The following FAR2 variants were observed in gnomAD, a reference collection of about 807,000 sequenced individuals.
FAR2 encodes fatty acyl-CoA reductase 2.
A neutral mutation model predicts 56.0 loss-of-function variants in FAR2; 19 were observed. The ratio of observed to expected loss-of-function variants is 0.34; its 90% CI spans 0.24 to 0.50. The LOEUF (loss-of-function observed/expected upper bound fraction) is 0.50, where lower values mean the gene tolerates loss of function less well. Ranked by LOEUF, FAR2 falls within the 20% of genes least tolerant of loss-of-function variation. FAR2 has a pLI of 0.98. For missense variants in FAR2, 508 were observed against 642.2 expected (o/e 0.79, Z 2.26); for synonymous variants, 219 against 218.8 (o/e 1.00, Z -0.01).
At chr12:29,273,695 G>T (rs1266485536) in intron 2 of FAR2, among the ~76,000 whole-genome samples, 1 of 152,228 alleles carries the variant, frequency 6.6e-6, no homozygotes, top group South Asian at 2.1e-4. Context: ...GCCCCCAGGA[G>T]TTCAGTAGGC....
intron 1 of FAR2, among the ~76,000 whole-genome samples, chr12:29,205,330 G>A (rs1049797194): frequency 6.6e-6 from 1 of 152,194 alleles, no homozygotes; most frequent in Non-Finnish European, 1.5e-5. Context: ...ATTTTATCTA[G>A]TCTCAGCAAA....
intron 1 of FAR2, among the ~76,000 whole-genome samples, chr12:29,191,482 C>A (rs531392261): frequency 6.6e-6 from 1 of 152,340 alleles, no homozygotes; most frequent in Admixed American, 6.5e-5. Context: ...GCCGGTTAGA[C>A]GAGCTTTCAG....
At chr12:29,318,030 G>A (rs1338754529) in intron 9 of FAR2, among the ~76,000 whole-genome samples, 17 of 152,158 alleles carry the variant, frequency 1.1e-4, no homozygotes, top group Admixed American at 8.5e-4. Flanking sequence ...TATCTGTCTC[G>A]CTTGAATAAT....
chr12:29,311,235 T>C (rs749455795), intron 7 of FAR2, 89 bp downstream of exon 7: 1 of 857,158 alleles, frequency 1.2e-6, no homozygotes, highest in Non-Finnish European at 1.9e-6. Context: ...CATTTCATTG[T>C]ACAAGACCCC....
intron 1 of FAR2, among the ~76,000 whole-genome samples, chr12:29,230,903 C>G (rs977566046): frequency 4.6e-5 from 7 of 152,118 alleles, no homozygotes; most frequent in African/African-American, 1.7e-4. Context: ...TTAGATATCC[C>G]AAGTACTGTG....
rs181245025 is a variant in FAR2 at position 29,230,293 on chromosome 12, G to A, written c.-38-40119G>A. 1.8e-3 allele frequency among the ~76,000 whole-genome samples: 275 copies of A among 152,246 alleles called. 1 individual carries two copies. In the Middle Eastern group the frequency reaches 0.024, roughly 13 times the overall value. The stretch of plus-strand genomic sequence containing the variant: ...AGGGATCAGCCTTTCAGCTGAGGCA[G>A]CAGATCATGCAACTGTGAGTGAGGG... On this transcript the variant is annotated intron_variant, in intron 1 of 11. Coordinates refer to ENST00000536681, the MANE Select transcript of FAR2 (RefSeq NM_001271783.2).
intron 4 of FAR2, among the ~76,000 whole-genome samples, chr12:29,305,292 C>A (rs569162353): frequency 6.6e-6 from 1 of 152,106 alleles, no homozygotes; most frequent in South Asian, 2.1e-4. Context: ...CACCACCATG[C>A]CCCATTAATT....
In FAR2 at chr12:29,295,640, A is replaced by G. The variant is rs1422560170; in HGVS notation, c.366-1381A>G. Reference sequence around the variant, plus strand: ...TTCAATTTTTTATTTGTTTTTTGTTATTATATATTCATTTATGATGAATTT... The same window carrying G: ...TTCAATTTTTTATTTGTTTTTTGTTGTTATATATTCATTTATGATGAATTT... On this transcript the variant is annotated intron_variant, in intron 3 of 11. Transcript: ENST00000536681. Among the ~76,000 whole-genome samples, 6 of 151,008 alleles carry G rather than the reference A, an allele frequency of 4.0e-5. No individual in the cohort carries two copies. In the South Asian group the frequency reaches 1.0e-3, roughly 26 times the overall value.
At chr12:29,179,093 A>C (rs1285872090) in intron 1 of FAR2, among the ~76,000 whole-genome samples, 1 of 152,168 alleles carries the variant, frequency 6.6e-6, no homozygotes, top group Non-Finnish European at 1.5e-5. Flanking sequence ...GACACCAGTC[A>C]GGTCAGTTTA....
chr12:29,246,393 C>T (rs182178847), intron 1 of FAR2, among the ~76,000 whole-genome samples: 1 of 152,252 alleles, frequency 6.6e-6, no homozygotes, highest in East Asian at 1.9e-4. Flanking sequence ...CTCTTTCTGA[C>T]TGGAGGCAGG....
rs1264166695 is a variant in FAR2, at chr12:29,296,624, T to G, written c.366-397T>G. Among the ~76,000 whole-genome samples, 4 of 152,208 alleles carry G rather than the reference T, an allele frequency of 2.6e-5. No homozygotes were observed. In the East Asian group the frequency reaches 7.7e-4, roughly 29 times the overall value. On this transcript the variant is annotated intron_variant, in intron 3 of 11. Transcript: ENST00000536681. Reference sequence around the variant, plus strand: ...CAACTTACATTGCTCCTTTAAAAAATGTACTGTTGCTCCCCTCCAGTTTAT... The same window carrying G: ...CAACTTACATTGCTCCTTTAAAAAAGGTACTGTTGCTCCCCTCCAGTTTAT...
chr12:29,309,234 T>C lies in FAR2; in HGVS notation c.768+4T>C, dbSNP rs985341259. 3.1e-6 allele frequency: 5 copies of C among 1,590,806 alleles called. No individual in the cohort carries two copies. Among genetic ancestry groups the C allele is most frequent in the African/African-American group, 1.3e-5 (1 of 74,358 alleles). ...ACCTAATGGAATCATTATTGCGGTA[T>C]GTATAATGATGAAGAAATAACTCCC... On this transcript the variant is annotated splice_donor_region_variant and intron_variant, in intron 6 of 11. Coordinates refer to ENST00000536681, the MANE Select transcript of FAR2 (RefSeq NM_001271783.2).
At chr12:29,202,706 G>A (rs1203385977) in intron 1 of FAR2, among the ~76,000 whole-genome samples, 1 of 152,142 alleles carries the variant, frequency 6.6e-6, no homozygotes, top group African/African-American at 2.4e-5. Flanking sequence ...GTTTAAAGAA[G>A]CCTGGAACCT....
chr12:29,249,375 A>C (rs1948174573), intron 1 of FAR2, among the ~76,000 whole-genome samples: 1 of 152,162 alleles, frequency 6.6e-6, no homozygotes, highest in African/African-American at 2.4e-5. Flanking sequence ...TTGGTATGCT[A>C]TTCTATTATC....
At chr12:29,304,734 C>A (rs1248027391) in intron 4 of FAR2, among the ~76,000 whole-genome samples, 1 of 152,114 alleles carries the variant, frequency 6.6e-6, no homozygotes, top group African/African-American at 2.4e-5. Context: ...TATGTGAACA[C>A]ACATAGACAT....
At chr12:29,186,858 G>C (rs1478854063) in intron 1 of FAR2, among the ~76,000 whole-genome samples, 1 of 151,750 alleles carries the variant, frequency 6.6e-6, no homozygotes, top group Non-Finnish European at 1.5e-5. Flanking sequence ...GCGCAATCTC[G>C]GCTCACTGTA....
At position 29,216,690 on chromosome 12, in the gene FAR2, T is replaced by G. The variant is rs77690519; in HGVS notation, c.-38-53722T>G. 5.1e-3 allele frequency among the ~76,000 whole-genome samples: 772 copies of G among 152,230 alleles called. 6 individuals are homozygous for G. The highest frequency in any genetic ancestry group is 0.017 in the African/African-American group (703 of 41,520). On this transcript the variant is annotated intron_variant, in intron 1 of 11. Coordinates refer to ENST00000536681, the MANE Select transcript of FAR2 (RefSeq NM_001271783.2). Reference sequence around the variant, plus strand: ...AGGCTGCTGTTAGCCTTTTCAGGGGTTTTATTTTTCTTTCTGACAGCCCAG... The same window carrying G: ...AGGCTGCTGTTAGCCTTTTCAGGGGGTTTATTTTTCTTTCTGACAGCCCAG...
At chr12:29,241,956 C>A (rs191283766) in intron 1 of FAR2, among the ~76,000 whole-genome samples, 52 of 152,196 alleles carry the variant, frequency 3.4e-4, no homozygotes, top group African/African-American at 1.1e-3. Flanking sequence ...TCACCTCAGC[C>A]CATGTATTCT....
At chr12:29,276,122 C>T (rs543740182) in intron 2 of FAR2, among the ~76,000 whole-genome samples, 3 of 152,104 alleles carry the variant, frequency 2.0e-5, no homozygotes, top group Non-Finnish European at 2.9e-5. Flanking sequence ...CTTTGCTGAG[C>T]CTTGGTTTCT....
Sources: allele counts gnomAD v4.1 joint callset (sites outside exome capture counted in the v4.1 genomes callset), GRCh38; gene constraint gnomAD v4.1.1; transcripts MANE v1.5; gene names NCBI Gene and HGNC (gene_info 2026-07-23, HGNC 2026-07-21).